Variants in RABGAP1L observed in about 807,000 individuals in gnomAD.
RABGAP1L encodes the protein rab GTPase-activating protein 1-like.
In RABGAP1L, 63 loss-of-function variants were observed where a neutral mutation model predicts 137.7. The ratio of observed to expected loss-of-function variants is 0.46; its 90% CI spans 0.37 to 0.56. RABGAP1L has a LOEUF of 0.56. Ranked by LOEUF, RABGAP1L falls within the 20% of genes least tolerant of loss-of-function variation. The pLI is 0.00. For missense variants in RABGAP1L, 1,095 were observed against 1,244.0 expected, an observed-to-expected ratio of 0.88 and a Z score of 1.80; for synonymous variants, 431 against 433.7, an observed-to-expected ratio of 0.99 and a Z score of 0.08.
chr1:174,321,668 C>T (rs78910212), intron 11 of RABGAP1L, among the ~76,000 whole-genome samples: 5,278 of 152,242 alleles, frequency 0.035, 121 homozygotes, highest in Middle Eastern at 0.088. Flanking sequence ...AAAATACCTA[C>T]GAATAGGTTC....
chr1:174,992,551 T>A lies in RABGAP1L; in HGVS notation c.*2550T>A, dbSNP rs899239643. 8.6e-5 allele frequency: 13 copies of A among 151,848 alleles called. No homozygotes were observed. Among genetic ancestry groups the A allele is most frequent in the South Asian group, 2.1e-4 (1 of 4,816 alleles). 9.4% of individuals were successfully genotyped at this position (151,848 alleles called of 1,614,324 possible). A position where few individuals can be genotyped will look rare whatever the true frequency, so the allele number is the denominator to read the frequency against. On this transcript the variant is annotated 3_prime_UTR_variant, in exon 26 of 26. Transcript: ENST00000681986. Reference sequence around the variant, plus strand: ...GGGCAATACATATTTTTTTTTTTTTTATTCTCCAGCCCCATATCATACTTG... The same window carrying A: ...GGGCAATACATATTTTTTTTTTTTTAATTCTCCAGCCCCATATCATACTTG...
chr1:174,459,491 A>T (rs1035039534), intron 13 of RABGAP1L, among the ~76,000 whole-genome samples: 5 of 152,114 alleles, frequency 3.3e-5, no homozygotes, highest in African/African-American at 9.6e-5. Context: ...AGTCCCTTTT[A>T]TATAATCACA....
At chr1:174,361,790 CT>C (rs1416144355) in intron 11 of RABGAP1L, among the ~76,000 whole-genome samples, 1 of 151,976 alleles carries the variant, frequency 6.6e-6, no homozygotes, top group Middle Eastern at 3.2e-3. Flanking sequence ...TTAAAAAATA[CT>C]TTTATTCTAA....
At position 174,264,886 on chromosome 1, in the gene RABGAP1L, C is replaced by G. The variant is rs1673919517; in HGVS notation, c.987-7528C>G. On this transcript the variant is annotated intron_variant, in intron 7 of 25. Transcript: ENST00000681986. The stretch of plus-strand genomic sequence containing the variant: ...ATCGAGAGAAAAAGAAATAGGAACT[C>G]CAAGTCTAATCACTAGTTTTCTTAT... 2.0e-5 allele frequency among the ~76,000 whole-genome samples: 3 copies of G among 151,806 alleles called. No individual in the cohort carries two copies. In the South Asian group the frequency reaches 6.2e-4, roughly 32 times the overall value.
At chr1:174,948,121 T>C (rs1319930345) in intron 19 of RABGAP1L, among the ~76,000 whole-genome samples, 2 of 152,040 alleles carry the variant, frequency 1.3e-5, no homozygotes, top group African/African-American at 2.4e-5. Context: ...ATAAAGGTAC[T>C]TGAACAAAAA....
At chr1:174,618,530 A>G (rs1442949005) in intron 13 of RABGAP1L, among the ~76,000 whole-genome samples, 5 of 152,218 alleles carry the variant, frequency 3.3e-5, no homozygotes, top group Non-Finnish European at 5.9e-5. Flanking sequence ...CCAGGCAAAC[A>G]GGGACTGGAG....
chr1:174,949,158 C>T (rs1341549847), intron 19 of RABGAP1L, among the ~76,000 whole-genome samples: 2 of 152,104 alleles, frequency 1.3e-5, no homozygotes, highest in Non-Finnish European at 2.9e-5. Context: ...TAGATAGAGA[C>T]TAGATTCTGT....
chr1:174,751,700 A>G (rs932367316), intron 17 of RABGAP1L, among the ~76,000 whole-genome samples: 1 of 152,232 alleles, frequency 6.6e-6, no homozygotes, highest in Non-Finnish European at 1.5e-5. Context: ...TTTCTAAAGA[A>G]ATATTGCTAT....
chr1:174,782,479 G>A (rs542532314), intron 18 of RABGAP1L, among the ~76,000 whole-genome samples: 39 of 152,048 alleles, frequency 2.6e-4, no homozygotes, highest in Admixed American at 4.6e-4. Flanking sequence ...GAGACGATGG[G>A]GTTTTCTAGA....
chr1:174,321,353 G>A (rs183172612), intron 11 of RABGAP1L, among the ~76,000 whole-genome samples: 637 of 152,188 alleles, frequency 4.2e-3, no homozygotes, highest in Middle Eastern at 0.017. Flanking sequence ...TCCCCTTGAA[G>A]CATGTGATCT....
At chr1:174,333,286 C>A (rs1187664155) in intron 11 of RABGAP1L, among the ~76,000 whole-genome samples, 2 of 152,208 alleles carry the variant, frequency 1.3e-5, no homozygotes, top group Non-Finnish European at 2.9e-5. Flanking sequence ...TGTAACGCAT[C>A]GGATATTTCA....
chr1:174,377,918 A>G (rs1377647408), intron 12 of RABGAP1L, among the ~76,000 whole-genome samples: 1 of 94,692 alleles, frequency 1.1e-5, no homozygotes, highest in Admixed American at 9.6e-5. Flanking sequence ...TATATCTCCC[A>G]ATGCTATCCC....
At chr1:174,859,625 CACTT>C (rs1302385864) in intron 19 of RABGAP1L, among the ~76,000 whole-genome samples, 3 of 152,076 alleles carry the variant, frequency 2.0e-5, no homozygotes, top group Non-Finnish European at 4.4e-5. Flanking sequence ...TGTGTGTTCT[CACTT>C]ACAAGTGGGT....
At chr1:174,404,659 G>A (rs1649047517) in intron 13 of RABGAP1L, among the ~76,000 whole-genome samples, 1 of 152,064 alleles carries the variant, frequency 6.6e-6, no homozygotes, top group African/African-American at 2.4e-5. Flanking sequence ...GTCAGGTACT[G>A]TGCTAGGATA....
chr1:174,626,575 T>C (rs971351419), intron 13 of RABGAP1L, among the ~76,000 whole-genome samples: 2 of 152,176 alleles, frequency 1.3e-5, no homozygotes, highest in African/African-American at 4.8e-5. Flanking sequence ...GCAGCATTTG[T>C]GTGCAGTGAC....
chr1:174,285,520 G>GTT (rs371710435), intron 10 of RABGAP1L, among the ~76,000 whole-genome samples: 1,876 of 140,880 alleles, frequency 0.013, 22 homozygotes, highest in African/African-American at 0.022. Flanking sequence ...TGTTCTAACC[G>GTT]TTTTTTTTTT....
At chr1:174,412,010 C>G (rs1649996320) in intron 13 of RABGAP1L, among the ~76,000 whole-genome samples, 1 of 151,980 alleles carries the variant, frequency 6.6e-6, no homozygotes, top group Admixed American at 6.6e-5. Context: ...GGACAAGTGT[C>G]AAGTTTAAGT....
At chr1:174,332,921 G>A (rs1681162264) in intron 11 of RABGAP1L, among the ~76,000 whole-genome samples, 2 of 152,156 alleles carry the variant, frequency 1.3e-5, no homozygotes, top group African/African-American at 4.8e-5. Context: ...CCACCTAAAT[G>A]TCCATCAGTG....
At chr1:174,385,565 G>T (rs1686693976) in intron 12 of RABGAP1L, among the ~76,000 whole-genome samples, 1 of 152,148 alleles carries the variant, frequency 6.6e-6, no homozygotes, top group Admixed American at 6.5e-5. Flanking sequence ...TTTAGATGAA[G>T]ACATCATCCG....
Sources: allele counts gnomAD v4.1 joint callset (sites outside exome capture counted in the v4.1 genomes callset), GRCh38; gene constraint gnomAD v4.1.1; transcripts MANE v1.5; gene names NCBI Gene and HGNC (gene_info 2026-07-23, HGNC 2026-07-21).